Variants in ACOXL observed in about 807,000 individuals in gnomAD.
ACOXL encodes acyl-coenzyme A oxidase-like protein.
Under a neutral mutation model 71.9 loss-of-function variants are expected in ACOXL, and 70 were observed. The observed-to-expected ratio is 0.97, with a 90% CI of 0.80 to 1.19. The LOEUF (loss-of-function observed/expected upper bound fraction) is 1.19. ACOXL is among the 50% of genes most tolerant of loss of function. The pLI, the probability that ACOXL is intolerant of heterozygous loss-of-function variation, is 0.00. For missense variants in ACOXL, 703 were observed against 736.3 expected (o/e 0.95, Z 0.52); for synonymous variants, 253 against 281.6 (o/e 0.90, Z 1.02).
intron 12 of ACOXL, among the ~76,000 whole-genome samples, chr2:110,972,806 G>C (rs1558809442): frequency 6.6e-6 from 1 of 152,198 alleles, no homozygotes; most frequent in Non-Finnish European, 1.5e-5. Flanking sequence ...AACAAATTGT[G>C]AGAATACCTG....
chr2:110,851,929 T>C (rs1692651268), intron 10 of ACOXL, among the ~76,000 whole-genome samples: 1 of 152,142 alleles, frequency 6.6e-6, no homozygotes, highest in Non-Finnish European at 1.5e-5. Context: ...TCACTCCAGC[T>C]CCCACTGGGT....
chr2:110,747,872 C>G (rs745879984), intron 1 of ACOXL, among the ~76,000 whole-genome samples: 11 of 152,168 alleles, frequency 7.2e-5, no homozygotes, highest in Non-Finnish European at 1.5e-4. Flanking sequence ...TTCTACCTTA[C>G]CACCTCCTCC....
At position 111,118,145 on chromosome 2, in the gene ACOXL, G is replaced by A. The variant is rs1229066317; in HGVS notation, c.*329G>A. 2.2e-6 allele frequency: 1 copy of A among 453,828 alleles called. No homozygotes were observed. Among genetic ancestry groups the A allele is most frequent in the Non-Finnish European group, 3.9e-6 (1 of 253,256 alleles). The allele number at this position is 453,828 out of a possible 1,614,324, so 28.1% of individuals were successfully genotyped here. Reference sequence around the variant, plus strand: ...CGCTGCGAGCGCGCCCCACAGCCGGGTGCCGCCAAAGGTCTCCTGCTGTTA... The same window carrying A: ...CGCTGCGAGCGCGCCCCACAGCCGGATGCCGCCAAAGGTCTCCTGCTGTTA... On this transcript the variant is annotated 3_prime_UTR_variant, in exon 18 of 18. Transcript: ENST00000439055.
At chr2:110,757,659 C>G (rs1007628725) in intron 1 of ACOXL, among the ~76,000 whole-genome samples, 3 of 152,206 alleles carry the variant, frequency 2.0e-5, no homozygotes, top group African/African-American at 7.2e-5. Context: ...TGATGTTGAG[C>G]CTTTTTTCAT....
At chr2:111,114,218 C>T (rs908275356) in intron 17 of ACOXL, 1 of 152,812 alleles carries the variant, frequency 6.5e-6, no homozygotes, top group African/African-American at 2.4e-5. Context: ...TCATATCTGG[C>T]AGTGGGTGCT....
At chr2:110,784,699 G>T (rs1683736988) in intron 2 of ACOXL, 33 bp from the exon 3 acceptor site, 1 of 1,507,884 alleles carries the variant, frequency 6.6e-7, no homozygotes. Flanking sequence ...AAACCATAAG[G>T]AAACCTTGAT....
intron 10 of ACOXL, among the ~76,000 whole-genome samples, chr2:110,904,554 G>A (rs1161612276): frequency 6.6e-6 from 1 of 152,184 alleles, no homozygotes; most frequent in Non-Finnish European, 1.5e-5. Flanking sequence ...GTTTTAAAAT[G>A]TAGGTTGTAT....
At position 110,967,366 on chromosome 2, in the gene ACOXL, A is replaced by G. The variant is rs1032348142; in HGVS notation, c.1060-19742A>G. Among the ~76,000 whole-genome samples the G allele has an allele frequency of 2.6e-5, 4 of 152,208 alleles. No individual in the cohort carries two copies. The East Asian group carries it at 7.7e-4, about 29-fold the overall frequency. On this transcript the variant is annotated intron_variant, in intron 12 of 17. Coordinates refer to ENST00000439055, the MANE Select transcript of ACOXL (RefSeq NM_001142807.4). ...TGAACAACAGAGAAGACAAAAATGA[A>G]CAGAATCACACAGATCAGTGGAGCA...
intron 16 of ACOXL, among the ~76,000 whole-genome samples, chr2:111,078,538 A>T (rs1026117033): frequency 1.3e-5 from 2 of 152,188 alleles, no homozygotes; most frequent in Admixed American, 6.5e-5. Context: ...TGCTGGGATT[A>T]CAGGTGTGAG....
At chr2:110,960,679 A>T (rs1337512768) in intron 12 of ACOXL, among the ~76,000 whole-genome samples, 11 of 134,512 alleles carry the variant, frequency 8.2e-5, no homozygotes, top group Admixed American at 6.8e-4. Context: ...TTTTTTTTTT[A>T]ATGTATAAAT....
At chr2:110,795,454 C>T (rs1279249961) in intron 5 of ACOXL, 5 of 152,330 alleles carry the variant, frequency 3.3e-5, no homozygotes, top group Non-Finnish European at 5.9e-5. Flanking sequence ...AGCAACAGTC[C>T]CAGGAACGCA....
At chr2:110,869,873 C>G (rs1695056851) in intron 10 of ACOXL, among the ~76,000 whole-genome samples, 1 of 152,222 alleles carries the variant, frequency 6.6e-6, no homozygotes, top group Non-Finnish European at 1.5e-5. Context: ...CACTGCCAGC[C>G]CCTACCCAGA....
At chr2:110,997,717 A>T (rs2063458618) in intron 14 of ACOXL, among the ~76,000 whole-genome samples, 1 of 152,208 alleles carries the variant, frequency 6.6e-6, no homozygotes, top group African/African-American at 2.4e-5. Flanking sequence ...ATATAAAAAG[A>T]TTGGCGGTCC....
chr2:110,958,461 G>C (rs755234914), intron 12 of ACOXL, among the ~76,000 whole-genome samples: 13 of 152,184 alleles, frequency 8.5e-5, no homozygotes, highest in Non-Finnish European at 1.9e-4. Flanking sequence ...TAGCTGGGAA[G>C]GACAGGGATG....
intron 9 of ACOXL, among the ~76,000 whole-genome samples, chr2:110,813,475 A>T (rs1687583919): frequency 1.3e-5 from 2 of 152,082 alleles, no homozygotes; most frequent in Admixed American, 1.3e-4. Context: ...CGGGAGAACG[A>T]TGCCCAGGCT....
intron 7 of ACOXL, among the ~76,000 whole-genome samples, chr2:110,800,829 A>G (rs1685896732): frequency 6.6e-6 from 1 of 152,030 alleles, no homozygotes; most frequent in African/African-American, 2.4e-5. Context: ...GGGCTCCTTG[A>G]AAGTTCCTTG....
At chr2:110,837,420 A>C (rs1312118300) in intron 9 of ACOXL, among the ~76,000 whole-genome samples, 1 of 152,162 alleles carries the variant, frequency 6.6e-6, no homozygotes, top group East Asian at 1.9e-4. Context: ...AGTGTAAACC[A>C]TTCCTTTCTT....
intron 17 of ACOXL, among the ~76,000 whole-genome samples, chr2:111,103,423 G>A (rs2150057532): frequency 6.6e-6 from 1 of 152,314 alleles, no homozygotes; most frequent in East Asian, 1.9e-4. Flanking sequence ...AGGAAATTAA[G>A]GACTCTTTGC....
At chr2:110,924,776 C>A (rs1451098578) in intron 11 of ACOXL, among the ~76,000 whole-genome samples, 1 of 118,054 alleles carries the variant, frequency 8.5e-6, no homozygotes, top group Non-Finnish European at 1.9e-5. Context: ...GTATTTTGAC[C>A]TCCTCCCATG....
Sources: allele counts gnomAD v4.1 joint callset (sites outside exome capture counted in the v4.1 genomes callset), GRCh38; gene constraint gnomAD v4.1.1; transcripts MANE v1.5; gene names NCBI Gene and HGNC (gene_info 2026-07-23, HGNC 2026-07-21).